Variants in WNT2B observed in about 807,000 individuals in gnomAD.
The protein encoded by WNT2B is Wnt family member 2B.
A neutral mutation model predicts 40.5 loss-of-function variants in WNT2B; 19 were observed. The observed-to-expected ratio is 0.47, with a 90% CI of 0.33 to 0.69. The LOEUF is 0.69. Among genes scored for constraint, WNT2B ranks in the 30% least tolerant of loss-of-function variants. The pLI is 0.02. For missense variants in WNT2B, 467 were observed against 556.4 expected, an observed-to-expected ratio of 0.84 and a Z score of 1.62; for synonymous variants, 220 against 211.9, an observed-to-expected ratio of 1.04 and a Z score of -0.33.
rs1652231879 is a variant in WNT2B, at chr1:112,508,970, C to A, written c.-293C>A. 1 of 1,258,934 alleles carries A rather than the reference C, an allele frequency of 7.9e-7. No homozygotes were observed. The highest frequency in any genetic ancestry group is 1.0e-6 in the Non-Finnish European group (1 of 1,004,596). 78.0% of individuals were successfully genotyped at this position (1,258,934 alleles called of 1,614,324 possible). On this transcript the variant is annotated 5_prime_UTR_variant, in exon 1 of 5. Transcript: ENST00000369684. This position sits in a 1 kb window ranked among gnomAD's most constrained non-coding sequence, Gnocchi z 4.2. ...CGCGGCCGAAGGGGCTGTCCGCACA[C>A]TAGGCCCGCAGCTCCCTTCAGCGCC...
At chr1:112,478,787 G>A (rs1378983172) in intron 1 of WNT2B, among the ~76,000 whole-genome samples, 4 of 152,104 alleles carry the variant, frequency 2.6e-5, no homozygotes, top group African/African-American at 4.8e-5. Flanking sequence ...GCCAGGTGTG[G>A]TGACACACTC....
intron 1 of WNT2B, among the ~76,000 whole-genome samples, chr1:112,482,181 C>T (rs1035639898): frequency 6.7e-6 from 1 of 150,234 alleles, no homozygotes; most frequent in Admixed American, 6.6e-5. Context: ...CTAATTTAAA[C>T]GGTGGTGCAT....
rs551492955 is a variant in WNT2B, at chr1:112,509,795, G to A, written c.182+351G>A. Among the ~76,000 whole-genome samples the A allele has an allele frequency of 5.9e-5, 9 of 152,276 alleles. No individual in the cohort carries two copies. Among genetic ancestry groups the A allele is most frequent in the African/African-American group, 1.9e-4 (8 of 41,556 alleles). ...TTCAAGGAACGAATAACCTTCCAGG[G>A]CCCGCAATAGCTTCGCCAGGGCCCC... On this transcript the variant is annotated intron_variant, in intron 1 of 4. Coordinates refer to ENST00000369684, the MANE Select transcript of WNT2B (RefSeq NM_024494.3). This position sits in a 1 kb window ranked among gnomAD's most constrained non-coding sequence, Gnocchi z 4.2.
intron 1 of WNT2B, among the ~76,000 whole-genome samples, chr1:112,477,749 T>C (rs1031078627): frequency 4.0e-5 from 6 of 151,822 alleles, no homozygotes; most frequent in Non-Finnish European, 7.4e-5. Flanking sequence ...GAAAATACAA[T>C]AGAGAATTTC....
chr1:112,475,619 A>G (rs923180281), intron 1 of WNT2B, among the ~76,000 whole-genome samples: 6 of 152,194 alleles, frequency 3.9e-5, no homozygotes, highest in African/African-American at 7.2e-5. Context: ...TCATCGGCAT[A>G]ATATCACATG....
chr1:112,493,646 A>G lies in WNT2B; in HGVS notation c.-94-21228A>G, dbSNP rs1651674207. 2.6e-5 allele frequency among the ~76,000 whole-genome samples: 4 copies of G among 152,226 alleles called. No homozygotes were observed. The South Asian group carries it at 8.3e-4, about 32-fold the overall frequency. ...CAAAAATAAAACGAAACCAAAACTG[A>G]AAAGCAAAGAGAAAAAAGACTAGAA... On this transcript the variant is annotated intron_variant, in intron 1 of 4. Transcript: ENST00000256640.
At chr1:112,506,308 A>G (rs1434935791), upstream of WNT2B, among the ~76,000 whole-genome samples, 1 of 152,180 alleles carries the variant, frequency 6.6e-6, no homozygotes, top group Non-Finnish European at 1.5e-5. Flanking sequence ...CCTCAAAAAC[A>G]TGCTTTAATA....
chr1:112,476,496 A>G (rs1651057412), intron 1 of WNT2B, among the ~76,000 whole-genome samples: 1 of 152,098 alleles, frequency 6.6e-6, no homozygotes, highest in Non-Finnish European at 1.5e-5. Context: ...ACAATGAAAA[A>G]CTTGCAGCAA....
At chr1:112,474,880 G>A (rs1044069802) in intron 1 of WNT2B, among the ~76,000 whole-genome samples, 4 of 152,122 alleles carry the variant, frequency 2.6e-5, no homozygotes, top group African/African-American at 7.2e-5. Context: ...TTAAAAGTGT[G>A]TAGCAATCCC....
In WNT2B at chr1:112,527,775, A is replaced by G. The variant is rs762667890; in HGVS notation, c.*7266A>G. The G allele has an allele frequency of 5.9e-5, 9 of 152,262 alleles. No homozygotes were observed. The highest frequency in any genetic ancestry group is 1.4e-4 in the African/African-American group (6 of 41,436). 9.4% of individuals were successfully genotyped at this position (152,262 alleles called of 1,614,324 possible). A position where few individuals can be genotyped will look rare whatever the true frequency, so the allele number is the denominator to read the frequency against. ...AAGCTAGAGGGTTAACTCCTTCCCA[A>G]TTGTAGGGATCTATTCAGCAGGCTG... On this transcript the variant is annotated 3_prime_UTR_variant, in exon 5 of 5. Coordinates refer to ENST00000369684, the MANE Select transcript of WNT2B (RefSeq NM_024494.3).
intron 1 of WNT2B, among the ~76,000 whole-genome samples, chr1:112,501,420 G>C (rs932918220): frequency 1.3e-5 from 2 of 152,192 alleles, no homozygotes; most frequent in African/African-American, 4.8e-5. Flanking sequence ...GTAGTAGGGA[G>C]TTGTATGTCA....
intron 1 of WNT2B, among the ~76,000 whole-genome samples, chr1:112,510,301 C>G (rs11102485): frequency 0.09 from 13,630 of 152,194 alleles, 1,108 homozygotes; most frequent in East Asian, 0.37. Context: ...ATCACCTTCC[C>G]GTAGGAGAAG....
rs60400581 is a variant in WNT2B, at chr1:112,474,749, A to G, written c.-95+7158A>G. Among the ~76,000 whole-genome samples, 705 of 152,266 alleles carry G rather than the reference A, an allele frequency of 4.6e-3. 7 individuals are homozygous for G. Among genetic ancestry groups the G allele is most frequent in the African/African-American group, 0.016 (662 of 41,550 alleles). ...ATCTCATGTCGAATTGTGATCTCCA[A>G]TGTTGGAGGTGGAGTCTGGTGGGAG... On this transcript the variant is annotated intron_variant, in intron 1 of 4. Transcript: ENST00000256640.
At chr1:112,492,219 C>T (rs1456193591) in intron 1 of WNT2B, among the ~76,000 whole-genome samples, 1 of 152,208 alleles carries the variant, frequency 6.6e-6, no homozygotes, top group Non-Finnish European at 1.5e-5. Flanking sequence ...TCGCCCCAGC[C>T]TAACAATAAG....
At chr1:112,479,176 GCA>G (rs1651142556) in intron 1 of WNT2B, among the ~76,000 whole-genome samples, 1 of 151,318 alleles carries the variant, frequency 6.6e-6, no homozygotes, top group Non-Finnish European at 1.5e-5. Flanking sequence ...AGCTGAAATT[GCA>G]CCATTGCACT....
In WNT2B at chr1:112,521,892, A is replaced by T. The variant is rs1652901335; in HGVS notation, c.*1383A>T. 6.6e-6 allele frequency: 1 copy of T among 152,084 alleles called. No homozygotes were observed. Among genetic ancestry groups the T allele is most frequent in the South Asian group, 2.1e-4 (1 of 4,810 alleles). 9.4% of individuals were successfully genotyped at this position (152,084 alleles called of 1,614,324 possible). On this transcript the variant is annotated 3_prime_UTR_variant, in exon 5 of 5. Coordinates refer to ENST00000369684, the MANE Select transcript of WNT2B (RefSeq NM_024494.3). The stretch of plus-strand genomic sequence containing the variant: ...TCTTAAAGCAGCAGAGTGGTATAGA[A>T]ATTTGCGGTTATGACAGACCCGGGT...
At chr1:112,517,986 T>A (rs1652648462) in intron 4 of WNT2B, 1 of 152,600 alleles carries the variant, frequency 6.6e-6, no homozygotes, top group Admixed American at 6.5e-5. Context: ...ACCAATCTGC[T>A]GGGTAAAGGT....
At chr1:112,488,164 G>A (rs1179246192) in intron 1 of WNT2B, among the ~76,000 whole-genome samples, 53 of 151,924 alleles carry the variant, frequency 3.5e-4, no homozygotes, top group Admixed American at 3.3e-3. Flanking sequence ...GGGCAGGGTG[G>A]TGCACGCCTA....
chr1:112,509,128 A>G lies in WNT2B; in HGVS notation c.-135A>G, dbSNP rs1652241478. 7.3e-7 allele frequency: 1 copy of G among 1,368,816 alleles called. No homozygotes were observed. The highest frequency in any genetic ancestry group is 2.7e-4 in the Middle Eastern group (1 of 3,714). 84.8% of individuals were successfully genotyped at this position (1,368,816 alleles called of 1,614,324 possible). A position where few individuals can be genotyped will look rare whatever the true frequency, so the allele number is the denominator to read the frequency against. ...ATCCTCCTCCCGGGCTCTGGACCCC[A>G]GGTGATCCTAGGTCCCCAGCCGCCG... is the stretch of plus-strand genomic sequence containing the variant. On this transcript the variant is annotated 5_prime_UTR_variant, in exon 1 of 5. Coordinates refer to ENST00000369684, the MANE Select transcript of WNT2B (RefSeq NM_024494.3). This position sits in a 1 kb window ranked among gnomAD's most constrained non-coding sequence, Gnocchi z 4.2.
Sources: allele counts gnomAD v4.1 joint callset (sites outside exome capture counted in the v4.1 genomes callset), GRCh38; gene constraint gnomAD v4.1.1; non-coding constraint Gnocchi (gnomAD v3.1); transcripts MANE v1.5; gene names NCBI Gene and HGNC (gene_info 2026-07-23, HGNC 2026-07-21).